The following ADCY2 variants were observed in gnomAD, a reference collection of about 807,000 sequenced individuals.
The protein encoded by ADCY2 is adenylate cyclase type 2.
Under a neutral mutation model 125.2 loss-of-function variants are expected in ADCY2, and 31 were observed. That is an observed-to-expected ratio of 0.25 (90% confidence interval 0.19 to 0.33). ADCY2 has a LOEUF of 0.33. ADCY2 is among the 10% of genes least tolerant of loss of function. The pLI is 1.00. For synonymous variants in ADCY2, 512 were observed against 548.4 expected (o/e 0.93, Z 0.93); for missense variants, 904 against 1,418.2 (o/e 0.64, Z 5.82).
chr5:7,783,746 T>TG lies in ADCY2; in HGVS notation c.2385-614dup, dbSNP rs1322052546. Among the ~76,000 whole-genome samples the TG allele has an allele frequency of 2.0e-5, 3 of 152,178 alleles. No homozygotes were observed. The South Asian group carries it at 6.2e-4, about 32-fold the overall frequency. On this transcript the variant is annotated intron_variant, in intron 18 of 24. Coordinates refer to ENST00000338316, the MANE Select transcript of ADCY2 (RefSeq NM_020546.3). ...CTGCCTGGAATGTGATAGTGAGGATTGGGGGAGCCCACCCAGTGCAGTGAC... is the reference window on the plus strand; with the variant it reads ...CTGCCTGGAATGTGATAGTGAGGATTGGGGGGAGCCCACCCAGTGCAGTGAC...
At chr5:7,648,565 C>A (rs530393041) in intron 4 of ADCY2, among the ~76,000 whole-genome samples, 1 of 152,304 alleles carries the variant, frequency 6.6e-6, no homozygotes, top group South Asian at 2.1e-4. Context: ...AAGCCAGGGT[C>A]TCCTAATGAT....
At chr5:7,684,141 G>A (rs1740431312) in intron 4 of ADCY2, among the ~76,000 whole-genome samples, 1 of 152,208 alleles carries the variant, frequency 6.6e-6, no homozygotes, top group African/African-American at 2.4e-5. Flanking sequence ...CTCCCCTGTG[G>A]AGCATTTTGC....
intron 3 of ADCY2, among the ~76,000 whole-genome samples, chr5:7,621,015 C>CA (rs1336819815): frequency 6.6e-6 from 1 of 152,150 alleles, no homozygotes; most frequent in Non-Finnish European, 1.5e-5. Flanking sequence ...TTTGCCACCC[C>CA]AACATGAGGT....
At chr5:7,462,805 G>A (rs1170408751) in intron 2 of ADCY2, among the ~76,000 whole-genome samples, 1 of 152,234 alleles carries the variant, frequency 6.6e-6, no homozygotes, top group Non-Finnish European at 1.5e-5. Context: ...GTGTGGGTTG[G>A]ATTAGAAAAT....
intron 3 of ADCY2, among the ~76,000 whole-genome samples, chr5:7,572,115 C>T (rs1352480694): frequency 6.6e-6 from 1 of 152,124 alleles, no homozygotes; most frequent in African/African-American, 2.4e-5. Flanking sequence ...TTGCATGTGT[C>T]TTTATGATGG....
chr5:7,791,457 T>C (rs1409053821), intron 20 of ADCY2, among the ~76,000 whole-genome samples: 6 of 152,154 alleles, frequency 3.9e-5, no homozygotes, highest in African/African-American at 1.4e-4. Context: ...AAGAAGAAGG[T>C]GCCAGGTGGC....
intron 4 of ADCY2, among the ~76,000 whole-genome samples, chr5:7,663,286 C>T (rs980985790): frequency 6.6e-6 from 1 of 152,210 alleles, no homozygotes; most frequent in Non-Finnish European, 1.5e-5. Context: ...CCAGGCACTC[C>T]ACATAAAGCA....
At chr5:7,825,344 T>C (rs1465852876) in intron 24 of ADCY2, among the ~76,000 whole-genome samples, 1 of 151,772 alleles carries the variant, frequency 6.6e-6, no homozygotes, top group African/African-American at 2.4e-5. Flanking sequence ...TGCTGTGTGC[T>C]GTAACAACAC....
In ADCY2 at chr5:7,698,322, A is replaced by C. The variant is rs1561173207; in HGVS notation, c.1057A>C (p.Asn353His). ...CVSGLPISLP[N>H]HAKNCVKMGL... ...ATCTGGACTCCCTATATCTCTCCCT[A>C]ACCATGCCAAGAACTGTGTGAAAAT... The change falls in exon 7 of 25, where the codon AAC becomes CAC. Residue 353 changes from asparagine (N) to histidine (H), a missense_variant. Around this residue, in one of 7 missense-constraint regions of ADCY2, gnomAD observed 117 missense variants for 248.0 expected, o/e 0.47. Coordinates refer to ENST00000338316, the MANE Select transcript of ADCY2 (RefSeq NM_020546.3). 1.9e-6 allele frequency: 3 copies of C among 1,614,176 alleles called. No homozygotes were observed. The highest frequency in any genetic ancestry group is 1.6e-4 in the Middle Eastern group (1 of 6,062).
chr5:7,716,942 A>C (rs556959353), intron 11 of ADCY2, among the ~76,000 whole-genome samples: 1 of 152,336 alleles, frequency 6.6e-6, no homozygotes, highest in African/African-American at 2.4e-5. Flanking sequence ...CAAAGTAGTC[A>C]GAAGAGAGAA....
At chr5:7,793,745 T>TGTA (rs1304618008) in intron 20 of ADCY2, 1 of 152,254 alleles carries the variant, frequency 6.6e-6, no homozygotes, top group Non-Finnish European at 1.5e-5. Flanking sequence ...TCACAGCCAC[T>TGTA]GTAGCCCTGT....
At chr5:7,806,615 G>C (rs1413148459) in intron 22 of ADCY2, among the ~76,000 whole-genome samples, 1 of 152,194 alleles carries the variant, frequency 6.6e-6, no homozygotes, top group Non-Finnish European at 1.5e-5. Flanking sequence ...GAGAGAGAGA[G>C]AGACAGAGAC....
rs1258241149 is a variant in ADCY2 at position 7,802,848 on chromosome 5, G to T, written c.2775+484G>T. ...TAGGAGGGACAGAGTGTCTGTTTTAGAATTTGAAATAGATGTTATTTTTCA... is the reference window on the plus strand; with the variant it reads ...TAGGAGGGACAGAGTGTCTGTTTTATAATTTGAAATAGATGTTATTTTTCA... On this transcript the variant is annotated intron_variant, in intron 21 of 24. Coordinates refer to ENST00000338316, the MANE Select transcript of ADCY2 (RefSeq NM_020546.3). The surrounding 1 kb of genome is among the most constrained non-coding windows in gnomAD (Gnocchi z 4.6). Among the ~76,000 whole-genome samples, 1 of 152,128 alleles carries T rather than the reference G, an allele frequency of 6.6e-6. No homozygotes were observed. The highest frequency in any genetic ancestry group is 2.4e-5 in the African/African-American group (1 of 41,436).
In ADCY2 at chr5:7,690,846, C is replaced by T. The variant is rs769893468; in HGVS notation, c.869+7C>T. The T allele has an allele frequency of 3.1e-5, 48 of 1,555,290 alleles. No homozygotes were observed. Among genetic ancestry groups the T allele is most frequent in the Middle Eastern group, 1.7e-4 (1 of 5,828 alleles). On this transcript the variant is annotated splice_region_variant and intron_variant, in intron 5 of 24. Coordinates refer to ENST00000338316, the MANE Select transcript of ADCY2 (RefSeq NM_020546.3). ...AGCGGCATACAAACGTGAGGTACGACGCTATGCTTGCTCCTTGGCTGGTCT... is the reference window on the plus strand; with the variant it reads ...AGCGGCATACAAACGTGAGGTACGATGCTATGCTTGCTCCTTGGCTGGTCT...
In ADCY2 at chr5:7,396,565, G is replaced by C. The variant is rs1739050649; in HGVS notation, c.210+59G>C. ...CTTCCCCGGCCCTGAGAGGAGCCCG[G>C]CCAGCCGAGCCGCGTCCCGCTCCGG... is the stretch of plus-strand genomic sequence containing the variant. On this transcript the variant is annotated intron_variant, in intron 1 of 24. Transcript: ENST00000338316. The surrounding 1 kb of genome is among the most constrained non-coding windows in gnomAD (Gnocchi z 5.7). 7.0e-7 allele frequency: 1 copy of C among 1,431,690 alleles called. No homozygotes were observed. Among genetic ancestry groups the C allele is most frequent in the Non-Finnish European group, 9.2e-7 (1 of 1,085,522 alleles). The allele number at this position is 1,431,690 out of a possible 1,614,324, so 88.7% of individuals were successfully genotyped here.
intron 2 of ADCY2, among the ~76,000 whole-genome samples, chr5:7,433,725 C>A (rs565044048): frequency 2.0e-5 from 3 of 151,680 alleles, no homozygotes; most frequent in African/African-American, 7.3e-5. Flanking sequence ...GGCCTAGATA[C>A]AAATAAAGAG....
chr5:7,631,645 G>A (rs1301067186), intron 4 of ADCY2, among the ~76,000 whole-genome samples: 2 of 152,212 alleles, frequency 1.3e-5, no homozygotes, highest in African/African-American at 2.4e-5. Flanking sequence ...GTCAGTAGCT[G>A]TTCTTCCATT....
At chr5:7,786,501 A>T (rs1351837431) in intron 19 of ADCY2, among the ~76,000 whole-genome samples, 1 of 152,202 alleles carries the variant, frequency 6.6e-6, no homozygotes, top group Non-Finnish European at 1.5e-5. Context: ...TTTTGAAATG[A>T]TGGAGATATG....
chr5:7,455,106 T>C (rs1442179317), intron 2 of ADCY2, among the ~76,000 whole-genome samples: 1 of 152,188 alleles, frequency 6.6e-6, no homozygotes, highest in African/African-American at 2.4e-5. Flanking sequence ...TTTCTTCTTT[T>C]CTCGCTGCAC....
Sources: gnomAD v4.1 joint callset for allele counts (sites outside exome capture counted in the v4.1 genomes callset) on GRCh38, gnomAD v4.1.1 for gene constraint, gnomAD v4.1.1 regional missense constraint, Gnocchi (gnomAD v3.1) non-coding constraint, MANE v1.5 for transcripts, NCBI Gene and HGNC (gene_info 2026-07-23, HGNC 2026-07-21) for gene names.